GPR143: variants seen among roughly 807,000 people sequenced by gnomAD.
GPR143 encodes the protein G protein-coupled receptor 143.
A neutral mutation model predicts 27.6 loss-of-function variants in GPR143; 8 were observed. The observed-to-expected ratio is 0.29, with a 90% confidence interval of 0.17 to 0.52. The LOEUF (loss-of-function observed/expected upper bound fraction) is 0.52, where lower values mean the gene tolerates loss of function less well. GPR143 is among the 20% of genes least tolerant of loss of function. GPR143 has a pLI of 0.96. For missense variants in GPR143, 303 were observed against 343.1 expected (o/e 0.88, Z 0.92); for synonymous variants, 156 against 153.2 (o/e 1.02, Z -0.13).
chrX:9,728,414 T>A (rs866353365), intron 8 of GPR143, among the ~76,000 whole-genome samples: 85 of 95,250 alleles, frequency 8.9e-4, no homozygotes, highest in African/African-American at 3.4e-3. Flanking sequence ...AAAAAAAAAA[T>A]TAGAGTTATA....
At chrX:9,726,959 C>T (rs994356529) in intron 8 of GPR143, among the ~76,000 whole-genome samples, 10 of 112,510 alleles carry the variant, frequency 8.9e-5, no homozygotes, top group African/African-American at 2.9e-4. Context: ...TCACTCCCAT[C>T]GAAAGAGTAA....
At chrX:9,769,498 T>C (rs1336265722), upstream of GPR143, among the ~76,000 whole-genome samples, 2 of 112,020 alleles carry the variant, frequency 1.8e-5, no homozygotes, top group East Asian at 2.8e-4. Context: ...GTAGAGGAGG[T>C]GGCTAGGGGC....
At chrX:9,739,375 G>A (rs749601758) in intron 8 of GPR143, 110 bp downstream of exon 8, 2 of 543,879 alleles carry the variant, frequency 3.7e-6, no homozygotes, top group Non-Finnish European at 6.4e-6. Context: ...AGGTGCTGCT[G>A]AACACCCCGC....
intron 4 of GPR143, 121 bp downstream of exon 4, chrX:9,748,453 T>C: frequency 1.9e-6 from 1 of 535,413 alleles, no homozygotes; most frequent in Non-Finnish European, 3.4e-6. Context: ...CATGTGGCCC[T>C]GAGACAACGG....
chrX:9,735,838 C>A (rs186740609), intron 8 of GPR143, among the ~76,000 whole-genome samples: 2 of 111,936 alleles, frequency 1.8e-5, no homozygotes, highest in East Asian at 5.6e-4. Context: ...AGGGAGAAGC[C>A]CATGGCTAAG....
intron 1 of GPR143, among the ~76,000 whole-genome samples, chrX:9,763,877 C>T (rs1460486784): frequency 1.8e-5 from 2 of 112,744 alleles, no homozygotes; most frequent in Non-Finnish European, 3.7e-5. Context: ...AGGGTAAAGG[C>T]AGCCATGAAT....
At chrX:9,774,191 T>C (rs1449178507) in intron 1 of GPR143, among the ~76,000 whole-genome samples, 2 of 111,806 alleles carry the variant, frequency 1.8e-5, no homozygotes, top group African/African-American at 6.5e-5. Context: ...ATGTCCCGAA[T>C]GTATAGATGT....
At chrX:9,751,943 T>C (rs896946847) in intron 3 of GPR143, among the ~76,000 whole-genome samples, 7 of 112,646 alleles carry the variant, frequency 6.2e-5, no homozygotes, top group Non-Finnish European at 5.6e-5. Context: ...CATAGAAGAA[T>C]CAGTGTAATG....
chrX:9,765,741 G>A lies in GPR143; in HGVS notation c.77C>T (p.Pro26Leu). The stretch of plus-strand genomic sequence containing the variant: ...CAGGCAGAGCGCGTGGAAGGCCCGC[G>A]GCTGGAAGCTCAGCACGAGCTGCGT... ...AATQLVLSFQ[P>L]RAFHALCLGS... is the part of the protein sequence containing the mutation. The change falls in exon 1 of 9, where the codon CCG becomes CTG. Residue 26 changes from proline (P) to leucine (L), a missense_variant. Coordinates refer to ENST00000467482, the MANE Select transcript of GPR143 (RefSeq NM_000273.3). The A allele has an allele frequency of 1.8e-6, 2 of 1,124,751 alleles. No homozygotes were observed. The highest frequency in any genetic ancestry group is 2.3e-6 in the Non-Finnish European group (2 of 857,613). 92.7% of individuals were successfully genotyped at this position (1,124,751 alleles called of 1,213,427 possible).
chrX:9,736,071 T>G, intron 8 of GPR143, among the ~76,000 whole-genome samples: 2 of 110,925 alleles, frequency 1.8e-5, no homozygotes, highest in Middle Eastern at 9.3e-3. Context: ...GGTAAAGCTC[T>G]GGTAGGAAAA....
chrX:9,746,280 G>T, intron 4 of GPR143, 127 bp from the exon 5 acceptor site: 2 of 510,450 alleles, frequency 3.9e-6, no homozygotes, highest in Non-Finnish European at 7.2e-6. Context: ...GCTGCTGACT[G>T]CCCAAAGGAA....
At chrX:9,766,597 A>C (rs1000422886), upstream of GPR143, among the ~76,000 whole-genome samples, 1 of 111,791 alleles carries the variant, frequency 8.9e-6, no homozygotes, top group Non-Finnish European at 1.9e-5. Context: ...GTGGTGGCCC[A>C]GGCCTGTGAT....
In GPR143 at chrX:9,765,643, A is replaced by G. The variant is rs925889440; in HGVS notation, c.175T>C (p.Ser59Pro). ...LPGRRPAGPG[S>P]PATSPPASVR... ...GAGGCCGGCGGGGACGTCGCGGGGG[A>G]CCCGGGGCCCGCGGGCCGGCGGCCG... The change falls in exon 1 of 9, where the codon TCC (serine) becomes CCC (proline). Residue 59 changes from serine (S) to proline (P), a missense_variant. Ser to Pro is a moderately conservative substitution (Grantham distance 74, BLOSUM62 -1). Transcript: ENST00000467482. The G allele has an allele frequency of 1.0e-6, 1 of 976,774 alleles. No individual in the cohort carries two copies. The highest frequency in any genetic ancestry group is 1.3e-6 in the Non-Finnish European group (1 of 781,673). The allele number at this position is 976,774 out of a possible 1,213,427, so 80.5% of individuals were successfully genotyped here.
At chrX:9,735,977 C>T (rs182711674) in intron 8 of GPR143, among the ~76,000 whole-genome samples, 27 of 111,737 alleles carry the variant, frequency 2.4e-4, no homozygotes, top group Non-Finnish European at 4.5e-4. Flanking sequence ...AAATTCACCT[C>T]TACTTAGTGA....
intron 6 of GPR143, among the ~76,000 whole-genome samples, chrX:9,742,114 C>A (rs984505197): frequency 8.9e-6 from 1 of 111,791 alleles, no homozygotes; most frequent in African/African-American, 3.3e-5. Context: ...GAGATCAAAA[C>A]AATTTTTTCT....
chrX:9,770,323 A>AGAGAGAGAGAG (rs2083549800), upstream of GPR143, among the ~76,000 whole-genome samples: 36 of 89,015 alleles, frequency 4.0e-4, 1 homozygote, highest in African/African-American at 1.7e-3. Context: ...AAGAAAGAAA[A>AGAGAGAGAGAG]AGAGAGAGAG....
chrX:9,753,580 G>A (rs903822835), intron 3 of GPR143, among the ~76,000 whole-genome samples: 5 of 110,913 alleles, frequency 4.5e-5, no homozygotes, highest in Admixed American at 9.6e-5. Flanking sequence ...GCATGGAAGC[G>A]AATCCAGGTG....
chrX:9,770,564 G>T (rs1386150931), upstream of GPR143, among the ~76,000 whole-genome samples: 1 of 110,280 alleles, frequency 9.1e-6, no homozygotes, highest in Admixed American at 9.7e-5. Flanking sequence ...TTATTCCAAT[G>T]AGAGAGGAAG....
intron 3 of GPR143, among the ~76,000 whole-genome samples, chrX:9,758,253 T>C (rs1202920224): frequency 8.9e-6 from 1 of 111,737 alleles, no homozygotes; most frequent in African/African-American, 3.3e-5. Flanking sequence ...CCTCAACACA[T>C]GTGCAGCCCA....
Sources: allele counts gnomAD v4.1 joint callset (sites outside exome capture counted in the v4.1 genomes callset), GRCh38; gene constraint gnomAD v4.1.1; transcripts MANE v1.5; gene names NCBI Gene and HGNC (gene_info 2026-07-23, HGNC 2026-07-21).